Variants in TENM3 observed in about 807,000 individuals in gnomAD.
TENM3 encodes teneurin transmembrane protein 3.
Under a neutral mutation model 255.1 loss-of-function variants are expected in TENM3, and 63 were observed. The observed-to-expected ratio is 0.25, with a 90% CI of 0.20 to 0.30. The LOEUF (loss-of-function observed/expected upper bound fraction) is 0.30, where lower values mean the gene tolerates loss of function less well. TENM3 is among the 10% of genes least tolerant of loss of function. The pLI, the probability that TENM3 is intolerant of heterozygous loss-of-function variation, is 1.00. For synonymous variants in TENM3, 1,306 were observed against 1,322.3 expected, an observed-to-expected ratio of 0.99 and a Z score of 0.27; for missense variants, 2,929 against 3,461.1, an observed-to-expected ratio of 0.85 and a Z score of 3.86.
At chr4:182,027,758 G>A in the TENM3 span, among the ~76,000 whole-genome samples, 1 of 151,818 alleles carries the variant, frequency 6.6e-6, no homozygotes, top group Non-Finnish European at 1.5e-5. Flanking sequence ...TCAATATGAT[G>A]TATCACAATG....
chr4:181,701,526 G>A, the TENM3 span, among the ~76,000 whole-genome samples: 9 of 152,050 alleles, frequency 5.9e-5, no homozygotes, highest in African/African-American at 1.2e-4. Flanking sequence ...GCAAGCTTAC[G>A]TTCTATTTCA....
chr4:182,379,653 C>G (rs1580351858), intron 3 of TENM3, among the ~76,000 whole-genome samples: 1 of 151,568 alleles, frequency 6.6e-6, no homozygotes, highest in South Asian at 2.1e-4. Flanking sequence ...GTGGATGTAC[C>G]ATTAAGGAAG....
At chr4:182,106,231 G>T in the TENM3 span, among the ~76,000 whole-genome samples, 1 of 152,188 alleles carries the variant, frequency 6.6e-6, no homozygotes, top group African/African-American at 2.4e-5. Flanking sequence ...GGAGGCTGAG[G>T]TGGGTGGATT....
chr4:182,326,600 T>G (rs920191582), intron 2 of TENM3, among the ~76,000 whole-genome samples: 2 of 152,160 alleles, frequency 1.3e-5, no homozygotes, highest in Non-Finnish European at 2.9e-5. Context: ...AGCGGGGCAG[T>G]CATAGCTCAC....
At chr4:182,596,500 T>C (rs796830312) in intron 3 of TENM3, among the ~76,000 whole-genome samples, 25 of 152,166 alleles carry the variant, frequency 1.6e-4, no homozygotes, top group Admixed American at 5.2e-4. Context: ...GATTTTTACC[T>C]GGAGAAAACA....
the TENM3 span, among the ~76,000 whole-genome samples, chr4:181,760,387 C>A: frequency 6.6e-6 from 1 of 152,134 alleles, no homozygotes; most frequent in African/African-American, 2.4e-5. Flanking sequence ...TCTAAATATT[C>A]CCCTAATTCC....
At chr4:182,058,301 G>C in the TENM3 span, among the ~76,000 whole-genome samples, 5 of 151,928 alleles carry the variant, frequency 3.3e-5, no homozygotes, top group African/African-American at 4.8e-5. Flanking sequence ...GGAGAATCAA[G>C]AGATACCATT....
the TENM3 span, among the ~76,000 whole-genome samples, chr4:181,494,578 AC>A: frequency 0.071 from 10,810 of 152,082 alleles, 551 homozygotes; most frequent in South Asian, 0.2. Flanking sequence ...GAGCCACCGC[AC>A]CCGGCTCAGC....
chr4:181,474,610 C>T, the TENM3 span, among the ~76,000 whole-genome samples: 6 of 151,946 alleles, frequency 3.9e-5, no homozygotes, highest in African/African-American at 7.3e-5. Context: ...TGGCGGGCGC[C>T]TGTAATCCTT....
At chr4:182,298,515 A>G (rs558748958) in intron 1 of TENM3, among the ~76,000 whole-genome samples, 1 of 152,346 alleles carries the variant, frequency 6.6e-6, no homozygotes, top group East Asian at 1.9e-4. Context: ...TTACATAAAA[A>G]TGGACCTCAG....
chr4:182,080,144 G>A, the TENM3 span, among the ~76,000 whole-genome samples: 5 of 152,128 alleles, frequency 3.3e-5, no homozygotes, highest in African/African-American at 1.2e-4. Context: ...GCTGATCCTC[G>A]ATCACCTCTG....
At chr4:181,512,973 G>A in the TENM3 span, among the ~76,000 whole-genome samples, 1 of 152,058 alleles carries the variant, frequency 6.6e-6, no homozygotes, top group Non-Finnish European at 1.5e-5. Flanking sequence ...TTTAGAACAA[G>A]CAAAATGTAA....
At chr4:182,714,653 A>G (rs947916166) in intron 13 of TENM3, among the ~76,000 whole-genome samples, 3 of 152,346 alleles carry the variant, frequency 2.0e-5, no homozygotes, top group South Asian at 2.1e-4. Context: ...AAAACAAAAC[A>G]GTAACAGAGA....
chr4:181,719,713 G>T, the TENM3 span, among the ~76,000 whole-genome samples: 1 of 152,116 alleles, frequency 6.6e-6, no homozygotes, highest in Non-Finnish European at 1.5e-5. Flanking sequence ...TCAGCCAGGG[G>T]GAGACAGTAG....
rs575299006 is a variant in TENM3 at position 182,390,414 on chromosome 4, T to G, written c.511+43485T>G. The stretch of plus-strand genomic sequence containing the variant: ...GCTATGGCCTTTTTGTTGTGGTGGT[T>G]GTTGTTGCCAAGGACTCCTCTGAGA... On this transcript the variant is annotated intron_variant, in intron 3 of 27. Coordinates refer to ENST00000511685, the MANE Select transcript of TENM3 (RefSeq NM_001080477.4). Among the ~76,000 whole-genome samples the G allele has an allele frequency of 2.4e-3, 358 of 152,288 alleles. 10 individuals carry two copies. The highest frequency in any genetic ancestry group is 2.6e-3 in the Non-Finnish European group (180 of 68,018).
At chr4:181,577,078 TATATA>T in the TENM3 span, among the ~76,000 whole-genome samples, 2 of 80,178 alleles carry the variant, frequency 2.5e-5, no homozygotes, top group South Asian at 3.7e-4. Context: ...ATATAAATAA[TATATA>T]ATATATAATA....
chr4:181,497,553 A>G, the TENM3 span, among the ~76,000 whole-genome samples: 1 of 152,210 alleles, frequency 6.6e-6, no homozygotes, highest in Admixed American at 6.5e-5. Context: ...GCCTGAATAA[A>G]GTGATCATGA....
intron 3 of TENM3, among the ~76,000 whole-genome samples, chr4:182,492,225 T>A (rs2151592114): frequency 6.6e-6 from 1 of 152,298 alleles, no homozygotes; most frequent in African/African-American, 2.4e-5. Flanking sequence ...ACAGCATATG[T>A]TAAAATTGTG....
the TENM3 span, among the ~76,000 whole-genome samples, chr4:181,708,466 T>A: frequency 6.6e-6 from 1 of 152,146 alleles, no homozygotes; most frequent in Non-Finnish European, 1.5e-5. Context: ...AAAGAAAACA[T>A]GAACATCAAT....
Sources: gnomAD v4.1 joint callset for allele counts (sites outside exome capture counted in the v4.1 genomes callset) on GRCh38, gnomAD v4.1.1 for gene constraint, MANE v1.5 for transcripts, NCBI Gene and HGNC (gene_info 2026-07-23, HGNC 2026-07-21) for gene names.